The following MINDY4 variants were observed in gnomAD, a reference collection of about 807,000 sequenced individuals.
MINDY4 encodes probable ubiquitin carboxyl-terminal hydrolase MINDY-4.
Under a neutral mutation model 87.0 loss-of-function variants are expected in MINDY4, and 68 were observed. The observed-to-expected ratio is 0.78, with a 90% CI of 0.64 to 0.96. The LOEUF is 0.96. MINDY4 is among the 40% of genes least tolerant of loss of function. MINDY4 has a pLI of 0.00. For synonymous variants in MINDY4, 379 were observed against 363.2 expected, an observed-to-expected ratio of 1.04 and a Z score of -0.50; for missense variants, 919 against 928.2, an observed-to-expected ratio of 0.99 and a Z score of 0.13.
chr7:30,842,655 AG>A lies in MINDY4; in HGVS notation c.1445+1811del, dbSNP rs1222859813. On this transcript the variant is annotated intron_variant, in intron 9 of 17. Coordinates refer to ENST00000265299, the MANE Select transcript of MINDY4 (RefSeq NM_032222.3). ...GAGCCAGACAGGAACAGGTGGTTAC[AG>A]GGGACATGCACGGTGCTAAGGGTTC... 1.3e-5 allele frequency among the ~76,000 whole-genome samples: 2 copies of A among 152,200 alleles called. 1 individual carries two copies. The highest frequency in any genetic ancestry group is 3.8e-4 in the East Asian group (2 of 5,196).
intron 5 of MINDY4, among the ~76,000 whole-genome samples, chr7:30,820,766 C>T (rs1232075363): frequency 6.6e-6 from 1 of 152,030 alleles, no homozygotes; most frequent in Non-Finnish European, 1.5e-5. Flanking sequence ...GGGTTGTCTC[C>T]ACCTTTTGGT....
intron 13 of MINDY4, among the ~76,000 whole-genome samples, chr7:30,867,824 G>T (rs1457678294): frequency 6.6e-6 from 1 of 152,144 alleles, no homozygotes; most frequent in African/African-American, 2.4e-5. Context: ...AGCTGGTTGG[G>T]TCTCCCCAGG....
In MINDY4 at chr7:30,840,663, TTACTC is replaced by T. The variant is rs1039907530; in HGVS notation, c.1357-94_1357-90del. The T allele has an allele frequency of 4.1e-6, 4 of 982,772 alleles. No homozygotes were observed. In the African/African-American group the frequency reaches 4.9e-5, roughly 12 times the overall value. 60.9% of individuals were successfully genotyped at this position (982,772 alleles called of 1,614,324 possible). ...TTCTGTTGCAGAAGGCAGGGCCCCT[TTACTC>T]TATCAGGTGGGTTCTGGGGTGGGTT... is the stretch of plus-strand genomic sequence containing the variant. On this transcript the variant is annotated intron_variant, in intron 8 of 17. Transcript: ENST00000265299.
intron 17 of MINDY4, among the ~76,000 whole-genome samples, chr7:30,888,656 A>AT (rs1421078783): frequency 6.6e-6 from 1 of 152,170 alleles, no homozygotes; most frequent in East Asian, 1.9e-4. Context: ...TCGGGGAACG[A>AT]TTCGATTCGT....
chr7:30,863,343 A>C (rs1789825845), intron 13 of MINDY4, among the ~76,000 whole-genome samples: 1 of 152,170 alleles, frequency 6.6e-6, no homozygotes, highest in South Asian at 2.1e-4. Flanking sequence ...GTATGTGTAC[A>C]TTCGTGGTGG....
chr7:30,872,262 G>A lies in MINDY4; in HGVS notation c.1765G>A (p.Val589Ile). ...TTCCAGCATCCGCCAGGACTTTGAT[G>A]TCCCCACCAGCCACCTGATTGGAGC... ...STELIRQDFD[V>I]PTSHLIGAHG... The change falls in exon 14 of 18, where the codon GTC (valine) becomes ATC (isoleucine). Residue 589 changes from valine to isoleucine, a missense_variant. By Grantham distance (29) the Val-to-Ile change is conservative (BLOSUM62 3). Transcript: ENST00000265299. The A allele has an allele frequency of 1.9e-6, 3 of 1,614,124 alleles. No homozygotes were observed. Among genetic ancestry groups the A allele is most frequent in the Non-Finnish European group, 2.5e-6 (3 of 1,180,004 alleles).
intron 5 of MINDY4, among the ~76,000 whole-genome samples, chr7:30,814,983 T>G (rs1788105909): frequency 6.6e-6 from 1 of 152,190 alleles, no homozygotes; most frequent in Admixed American, 6.5e-5. Context: ...TTTGACATAT[T>G]TAACCAAACA....
chr7:30,812,429 A>T (rs921455324), intron 5 of MINDY4, among the ~76,000 whole-genome samples: 3 of 152,212 alleles, frequency 2.0e-5, no homozygotes, highest in Non-Finnish European at 4.4e-5. Flanking sequence ...AAAGAGAATT[A>T]AAAAACACAT....
rs1328245150 is a variant in MINDY4, at chr7:30,771,613, G to A, written c.63+57G>A. ...GTGGCTCTAATTTGGGGGGATCATC[G>A]GGGTCTCCCCTGAAGGCTTTGCAGC... On this transcript the variant is annotated intron_variant, in intron 1 of 17. Coordinates refer to ENST00000265299, the MANE Select transcript of MINDY4 (RefSeq NM_032222.3). The A allele has an allele frequency of 2.6e-6, 4 of 1,531,112 alleles. No homozygotes were observed. In the African/African-American group the frequency reaches 5.5e-5, roughly 21 times the overall value. The allele number at this position is 1,531,112 out of a possible 1,614,324, so 94.8% of individuals were successfully genotyped here. A position where few individuals can be genotyped will look rare whatever the true frequency, so the allele number is the denominator to read the frequency against.
chr7:30,883,318 C>T (rs1291655254), intron 17 of MINDY4, among the ~76,000 whole-genome samples: 1 of 152,240 alleles, frequency 6.6e-6, no homozygotes, highest in Non-Finnish European at 1.5e-5. Context: ...CCGTTAGGCC[C>T]GAAGGAGGCA....
intron 5 of MINDY4, among the ~76,000 whole-genome samples, chr7:30,808,928 T>A (rs1787898190): frequency 1.4e-3 from 153 of 111,992 alleles, no homozygotes; most frequent in Middle Eastern, 4.5e-3. Context: ...AAAGAGGGAG[T>A]CAAGGAGAGA....
intron 12 of MINDY4, among the ~76,000 whole-genome samples, chr7:30,856,363 T>G (rs1483745391): frequency 6.6e-6 from 1 of 152,088 alleles, no homozygotes; most frequent in Admixed American, 6.5e-5. Flanking sequence ...TGCCATTTAG[T>G]GTGTTCCAGC....
At chr7:30,882,497 G>T in intron 16 of MINDY4, 136 bp downstream of exon 16, 1 of 833,414 alleles carries the variant, frequency 1.2e-6, no homozygotes, top group Non-Finnish European at 1.8e-6. Context: ...CAGACTGGGG[G>T]ATCAGAGAGC....
At chr7:30,876,203 C>CAT (rs765105177) in intron 15 of MINDY4, among the ~76,000 whole-genome samples, 7 of 152,228 alleles carry the variant, frequency 4.6e-5, no homozygotes, top group Non-Finnish European at 1.0e-4. Context: ...ATTCCTCGAC[C>CAT]ATATAGTGAT....
chr7:30,801,359 C>T (rs1349101011), intron 5 of MINDY4, among the ~76,000 whole-genome samples: 1 of 152,196 alleles, frequency 6.6e-6, no homozygotes, highest in Admixed American at 6.5e-5. Context: ...ATTTCCTTTC[C>T]AGCATGCCGG....
intron 5 of MINDY4, among the ~76,000 whole-genome samples, chr7:30,821,997 T>G (rs188698827): frequency 6.6e-6 from 1 of 152,220 alleles, no homozygotes; most frequent in Non-Finnish European, 1.5e-5. Context: ...TCTCATCTCC[T>G]CCTCCCCAAT....
At chr7:30,777,228 G>T (rs878972640) in intron 1 of MINDY4, among the ~76,000 whole-genome samples, 1 of 152,082 alleles carries the variant, frequency 6.6e-6, no homozygotes, top group Non-Finnish European at 1.5e-5. Flanking sequence ...CAGGGTAGGG[G>T]TGGGGTTTGT....
At chr7:30,781,736 T>A (rs1232597032) in intron 2 of MINDY4, 1 of 485,576 alleles carries the variant, frequency 2.1e-6, no homozygotes, top group East Asian at 3.5e-5. Flanking sequence ...GTTTATTGAA[T>A]CACCTGCCTC....
At chr7:30,774,104 C>T (rs896843718) in intron 1 of MINDY4, among the ~76,000 whole-genome samples, 2 of 152,224 alleles carry the variant, frequency 1.3e-5, no homozygotes, top group African/African-American at 4.8e-5. Context: ...CTTATGGGTG[C>T]CTGCCCACCT....
Sources: gnomAD v4.1 joint callset for allele counts (sites outside exome capture counted in the v4.1 genomes callset) on GRCh38, gnomAD v4.1.1 for gene constraint, MANE v1.5 for transcripts, NCBI Gene and HGNC (gene_info 2026-07-23, HGNC 2026-07-21) for gene names.